Variants in ZNF124 observed in about 807,000 individuals in gnomAD.
ZNF124 encodes the protein zinc finger protein HZF-16.
Under a neutral mutation model 26.6 loss-of-function variants are expected in ZNF124, and 25 were observed. That is an observed-to-expected ratio of 0.94 (90% CI 0.68 to 1.31). The LOEUF (loss-of-function observed/expected upper bound fraction) is 1.31, where lower values mean the gene tolerates loss of function less well. Ranked by LOEUF, ZNF124 falls within the 40% of genes most tolerant of loss-of-function variation. ZNF124 has a pLI of 0.00. For missense variants in ZNF124, 444 were observed against 422.2 expected, an observed-to-expected ratio of 1.05 and a Z score of -0.45; for synonymous variants, 129 against 133.3, an observed-to-expected ratio of 0.97 and a Z score of 0.22.
chr1:247,123,074 T>C (rs1393137092), exon 4 of ZNF124: 4 of 152,176 alleles, frequency 2.6e-5, no homozygotes, highest in African/African-American at 9.7e-5. Context: ...TAACTAAGCA[T>C]AGACAATGTC....
chr1:247,153,880 T>C (rs1673016095), downstream of ZNF124, among the ~76,000 whole-genome samples: 1 of 152,206 alleles, frequency 6.6e-6, no homozygotes, highest in Non-Finnish European at 1.5e-5. Context: ...GGAGGGGTAC[T>C]GGGAGAGGAT....
At chr1:247,122,368 G>A (rs11800000) in exon 4 of ZNF124, 3 of 152,156 alleles carry the variant, frequency 2.0e-5, no homozygotes, top group Non-Finnish European at 4.4e-5. Context: ...AAATAAAAAT[G>A]TTCTGGTATA....
At chr1:247,123,196 GTTC>G (rs1053037943) in exon 4 of ZNF124, 20 of 151,814 alleles carry the variant, frequency 1.3e-4, no homozygotes, top group Non-Finnish European at 2.2e-4. Context: ...CACATATTAT[GTTC>G]TTTTTTTTTT....
intron 3 of ZNF124, among the ~76,000 whole-genome samples, chr1:247,146,671 C>A (rs183013872): frequency 0.014 from 2,111 of 151,664 alleles, 23 homozygotes; most frequent in Non-Finnish European, 0.022. Flanking sequence ...TTCACTAAAC[C>A]TTATTTGGAA....
At chr1:247,131,334 AC>A (rs1672361329) in intron 3 of ZNF124, among the ~76,000 whole-genome samples, 1 of 152,152 alleles carries the variant, frequency 6.6e-6, no homozygotes, top group Non-Finnish European at 1.5e-5. Context: ...CCACTCGCAA[AC>A]CCACGCCACC....
At chr1:247,144,780 CT>C (rs5782417) in intron 3 of ZNF124, among the ~76,000 whole-genome samples, 160 of 144,900 alleles carry the variant, frequency 1.1e-3, no homozygotes, top group Middle Eastern at 3.5e-3. Context: ...TTCTTTCTTT[CT>C]TTTTTTTTTT....
intron 3 of ZNF124, among the ~76,000 whole-genome samples, chr1:247,146,242 G>A (rs1162313087): frequency 1.3e-5 from 2 of 152,186 alleles, no homozygotes; most frequent in Non-Finnish European, 2.9e-5. Context: ...CAGAAGCTTT[G>A]CTTCATATAG....
chr1:247,158,788 C>G (rs1475109239), intron 3 of ZNF124, among the ~76,000 whole-genome samples: 1 of 152,140 alleles, frequency 6.6e-6, no homozygotes, highest in Non-Finnish European at 1.5e-5. Flanking sequence ...CACCATCACA[C>G]TGGGCTAATT....
At chr1:247,158,782 A>G (rs73137980) in intron 3 of ZNF124, among the ~76,000 whole-genome samples, 4,444 of 152,140 alleles carry the variant, frequency 0.029, 235 homozygotes, top group African/African-American at 0.1. Context: ...GGCATGCACC[A>G]TCACACTGGG....
At chr1:247,128,642 C>T (rs1424011534) in intron 3 of ZNF124, among the ~76,000 whole-genome samples, 1 of 151,334 alleles carries the variant, frequency 6.6e-6, no homozygotes, top group Non-Finnish European at 1.5e-5. Context: ...CTCTTACCCC[C>T]GTTATCACTC....
chr1:247,152,762 G>A (rs1213029593), downstream of ZNF124, among the ~76,000 whole-genome samples: 1 of 152,134 alleles, frequency 6.6e-6, no homozygotes, highest in Non-Finnish European at 1.5e-5. Context: ...TTCTTGTAAT[G>A]TTACTATTTT....
At chr1:247,164,856 T>C (rs1673686462) in intron 1 of ZNF124, among the ~76,000 whole-genome samples, 1 of 152,176 alleles carries the variant, frequency 6.6e-6, no homozygotes, top group Admixed American at 6.5e-5. Context: ...AACTTCAAAC[T>C]ATACTACAAA....
At chr1:247,144,967 G>C (rs1264977451) in intron 3 of ZNF124, among the ~76,000 whole-genome samples, 1 of 152,028 alleles carries the variant, frequency 6.6e-6, no homozygotes, top group Non-Finnish European at 1.5e-5. Context: ...GTAGAACCGG[G>C]GTTTCACCAT....
chr1:247,127,731 C>T (rs1237307741), intron 3 of ZNF124, among the ~76,000 whole-genome samples: 1 of 149,104 alleles, frequency 6.7e-6, no homozygotes, highest in Non-Finnish European at 1.5e-5. Flanking sequence ...CTCAATCGAT[C>T]ACGACCCTCT....
At chr1:247,149,126 T>C (rs924821222) in intron 3 of ZNF124, among the ~76,000 whole-genome samples, 3 of 152,202 alleles carry the variant, frequency 2.0e-5, no homozygotes, top group Non-Finnish European at 4.4e-5. Context: ...AGTCTGTTTC[T>C]TTCATTTAAA....
rs1312510117 is a variant in ZNF124, at chr1:247,156,455, T to C, written c.*111A>G. The C allele has an allele frequency of 1.5e-6, 2 of 1,346,000 alleles. No homozygotes were observed. Among genetic ancestry groups the C allele is most frequent in the Admixed American group, 7.1e-5 (2 of 28,078 alleles). 83.4% of individuals were successfully genotyped at this position (1,346,000 alleles called of 1,614,324 possible). On this transcript the variant is annotated 3_prime_UTR_variant, in exon 4 of 4. Transcript: ENST00000543802. Reference sequence around the variant, plus strand: ...TATCTCCAGTTTGATTCGTTTCATGTATTTGAGGAAATCTGGGAAAATTAA... The same window carrying C: ...TATCTCCAGTTTGATTCGTTTCATGCATTTGAGGAAATCTGGGAAAATTAA...
At chr1:247,145,910 A>C (rs1335944165) in intron 3 of ZNF124, among the ~76,000 whole-genome samples, 1 of 152,240 alleles carries the variant, frequency 6.6e-6, no homozygotes, top group Non-Finnish European at 1.5e-5. Context: ...GGCGTGAGCC[A>C]CTGCGCCCGG....
In ZNF124 at chr1:247,156,547, A is replaced by G. The variant is rs1393313062; in HGVS notation, c.*19T>C. The G allele has an allele frequency of 1.3e-6, 2 of 1,510,066 alleles. No homozygotes were observed. The highest frequency in any genetic ancestry group is 1.8e-6 in the Non-Finnish European group (2 of 1,133,480). The allele number at this position is 1,510,066 out of a possible 1,614,324, so 93.5% of individuals were successfully genotyped here. The stretch of plus-strand genomic sequence containing the variant: ...GTGACTGTTCATGTTTTTGACAAAA[A>G]CTGTAGTGATTAAAGCCTTTACATT... On this transcript the variant is annotated 3_prime_UTR_variant, in exon 4 of 4. Coordinates refer to ENST00000543802, the MANE Select transcript of ZNF124 (RefSeq NM_001297568.2).
downstream of ZNF124, among the ~76,000 whole-genome samples, chr1:247,150,654 C>T (rs978557005): frequency 1.3e-5 from 2 of 150,868 alleles, no homozygotes; most frequent in Non-Finnish European, 3.0e-5. Flanking sequence ...ATTTAATATG[C>T]TGGGGAAAGA....
Sources: allele counts gnomAD v4.1 joint callset (sites outside exome capture counted in the v4.1 genomes callset), GRCh38; gene constraint gnomAD v4.1.1; transcripts MANE v1.5; gene names NCBI Gene and HGNC (gene_info 2026-07-23, HGNC 2026-07-21).